RNF126: variants seen among roughly 807,000 people sequenced by gnomAD.
RNF126 encodes the protein ring finger protein 126.
In RNF126, 20 loss-of-function variants were observed where a neutral mutation model predicts 41.9. The observed-to-expected ratio is 0.48, with a 90% CI of 0.34 to 0.69. The LOEUF is 0.69. RNF126 is among the 30% of genes least tolerant of loss of function. The probability of loss-of-function intolerance (pLI) is 0.01; values close to 1 mark genes in which losing one functional copy is unlikely to be tolerated. For synonymous variants in RNF126, 239 were observed against 202.9 expected (o/e 1.18, Z -1.51); for missense variants, 433 against 460.6 (o/e 0.94, Z 0.55).
chr19:660,656 C>T (rs775166175), intron 1 of RNF126, among the ~76,000 whole-genome samples: 23 of 152,102 alleles, frequency 1.5e-4, no homozygotes, highest in Non-Finnish European at 2.8e-4. Context: ...TTTGAGACAG[C>T]GTCTTGCTTG....
chr19:652,838 G>C lies in RNF126; in HGVS notation c.122C>G (p.Pro41Arg). 6.2e-7 allele frequency: 1 copy of C among 1,613,116 alleles called. No individual in the cohort carries two copies. Among genetic ancestry groups the C allele is most frequent in the Non-Finnish European group, 8.5e-7 (1 of 1,179,704 alleles). The part of the protein sequence containing the change: ...RCESGFIEEL[P>R]EETRSTENGS... ...GGGGCTGCATTACCTGGTCTCTTCCGGAAGCTCCTCGATAAAACCAGACTC... is the reference window on the plus strand; with the variant it reads ...GGGGCTGCATTACCTGGTCTCTTCCCGAAGCTCCTCGATAAAACCAGACTC... Residue 41 changes from proline to arginine, a missense_variant, in exon 2 of 9, where the codon CCG becomes CGG. This residue lies in a region of RNF126 where 247 missense variants were observed against 224.7 expected (regional missense o/e 1.10). Transcript: ENST00000292363.
chr19:648,346 G>C (rs1467698200), intron 8 of RNF126, 26 bp downstream of exon 8: 26 of 586,104 alleles, frequency 4.4e-5, no homozygotes, highest in Non-Finnish European at 6.5e-5. Flanking sequence ...GGTCGGGGTG[G>C]GGGGGCGGGT....
rs376174636 is a variant in RNF126, at chr19:647,922, C to T, written c.*206G>A. Reference sequence around the variant, plus strand: ...AGACAGAGGACGGGGAGGCTGGGGACGCCCCAGAGGGGACCATGTGGCCCA... The same window carrying T: ...AGACAGAGGACGGGGAGGCTGGGGATGCCCCAGAGGGGACCATGTGGCCCA... On this transcript the variant is annotated 3_prime_UTR_variant, in exon 9 of 9. Coordinates refer to ENST00000292363, the MANE Select transcript of RNF126 (RefSeq NM_194460.3). 2.6e-5 allele frequency: 17 copies of T among 641,880 alleles called. No individual in the cohort carries two copies. The highest frequency in any genetic ancestry group is 1.1e-4 in the African/African-American group (6 of 54,484). The allele number at this position is 641,880 out of a possible 1,614,324, so 39.8% of individuals were successfully genotyped here.
At position 663,064 on chromosome 19, in the gene RNF126, T is replaced by C; in HGVS notation, c.58A>G (p.Ile20Val). Reference sequence around the variant, plus strand: ...GGCCTCACCGGCAGGCGCGGGACGATCTCCACGGAGCAGCAGTGGCAGAAG... The same window carrying C: ...GGCCTCACCGGCAGGCGCGGGACGACCTCCACGGAGCAGCAGTGGCAGAAG... ...RYFCHCCSVE[I>V]VPRLPDYICP... The change falls in exon 1 of 9, where the codon ATC (isoleucine) becomes GTC (valine). Residue 20 changes from isoleucine (I) to valine (V), a missense_variant. By Grantham distance (29) the Ile-to-Val change is conservative. Around this residue, in one of 5 missense-constraint regions of RNF126, gnomAD observed 247 missense variants for 224.7 expected, o/e 1.10. Transcript: ENST00000292363. The C allele has an allele frequency of 2.9e-6, 4 of 1,378,966 alleles. No individual in the cohort carries two copies. In the South Asian group the frequency reaches 4.6e-5, roughly 16 times the overall value. 85.4% of individuals were successfully genotyped at this position (1,378,966 alleles called of 1,614,324 possible).
At chr19:652,412 C>T in intron 2 of RNF126, 116 bp from the exon 3 acceptor site, 3 of 874,292 alleles carry the variant, frequency 3.4e-6, no homozygotes, top group East Asian at 5.6e-5. Context: ...GCACTGCTTC[C>T]CACCCGCCAC....
In RNF126 at chr19:659,374, C is replaced by T. The variant is rs573062021; in HGVS notation, c.75+3673G>A. On this transcript the variant is annotated intron_variant, in intron 1 of 8. Coordinates refer to ENST00000292363, the MANE Select transcript of RNF126 (RefSeq NM_194460.3). This position sits in a 1 kb window ranked among gnomAD's most constrained non-coding sequence, Gnocchi z 4.9. ...GCCCACGCCGGCTCTTCCCCGCCACCGTGGGCGGCAGGGCCCAGCACCCCC... is the reference window on the plus strand; with the variant it reads ...GCCCACGCCGGCTCTTCCCCGCCACTGTGGGCGGCAGGGCCCAGCACCCCC... Among the ~76,000 whole-genome samples, 163 of 152,234 alleles carry T rather than the reference C, an allele frequency of 1.1e-3. No individual in the cohort carries two copies. Among genetic ancestry groups the T allele is most frequent in the Non-Finnish European group, 2.0e-3 (135 of 67,976 alleles).
At chr19:653,304 C>T (rs1568191873) in intron 1 of RNF126, among the ~76,000 whole-genome samples, 1 of 152,238 alleles carries the variant, frequency 6.6e-6, no homozygotes, top group Non-Finnish European at 1.5e-5. Context: ...ACAGCCCGTT[C>T]CCCTGGCTCG....
At chr19:657,417 T>A (rs565339627) in intron 1 of RNF126, among the ~76,000 whole-genome samples, 1 of 152,282 alleles carries the variant, frequency 6.6e-6, no homozygotes, top group Admixed American at 6.5e-5. Context: ...CCTGGCCACA[T>A]ACACACTCAT....
intron 1 of RNF126, among the ~76,000 whole-genome samples, chr19:654,243 G>A (rs1489227606): frequency 2.0e-5 from 3 of 152,250 alleles, no homozygotes; most frequent in African/African-American, 7.2e-5. Flanking sequence ...CGTGAGGGGA[G>A]AGTGAAGAGG....
rs752638557 is a variant in RNF126 at position 652,788 on chromosome 19, C to A, written c.134+38G>T. On this transcript the variant is annotated intron_variant, in intron 2 of 8. Coordinates refer to ENST00000292363, the MANE Select transcript of RNF126 (RefSeq NM_194460.3). ...CACCCCTACAACAGCTGAGGCCCGG[C>A]TGGCTCTTCCAGCCTCTTCAACAGG... The A allele has an allele frequency of 4.5e-5, 72 of 1,598,972 alleles. No homozygotes were observed. In the African/African-American group the frequency reaches 7.9e-4, roughly 18 times the overall value.
chr19:648,287 G>A lies in RNF126; in HGVS notation c.787-10C>T. 1.3e-6 allele frequency: 2 copies of A among 1,554,302 alleles called. No individual in the cohort carries two copies. Among genetic ancestry groups the A allele is most frequent in the East Asian group, 2.4e-5 (1 of 41,284 alleles). On this transcript the variant is annotated splice_polypyrimidine_tract_variant and intron_variant, in intron 8 of 8. Coordinates refer to ENST00000292363, the MANE Select transcript of RNF126 (RefSeq NM_194460.3). Reference sequence around the variant, plus strand: ...CGGGGCAGCTGTCGTGCTTTGTGGGGACAGAGGCAGGGACGGGAGAAGGGG... The same window carrying A: ...CGGGGCAGCTGTCGTGCTTTGTGGGAACAGAGGCAGGGACGGGAGAAGGGG...
At chr19:660,384 G>C (rs1303250262) in intron 1 of RNF126, among the ~76,000 whole-genome samples, 3 of 152,236 alleles carry the variant, frequency 2.0e-5, no homozygotes, top group Admixed American at 2.0e-4. Flanking sequence ...AGAAGCCCTC[G>C]TGGGCAGGCA....
rs541563733 is a variant in RNF126, at chr19:652,988, G to A, written c.76-104C>T. 19 of 1,130,932 alleles carry A rather than the reference G, an allele frequency of 1.7e-5. No individual in the cohort carries two copies. In the East Asian group the frequency reaches 2.5e-4, roughly 15 times the overall value. The allele number at this position is 1,130,932 out of a possible 1,614,324, so 70.1% of individuals were successfully genotyped here. A position where few individuals can be genotyped will look rare whatever the true frequency, so the allele number is the denominator to read the frequency against. The stretch of plus-strand genomic sequence containing the variant: ...GCTCCGGACCCAGCGGTCTCTGGCT[G>A]GCCAGGCACACGCAGGCCAGGGTGG... On this transcript the variant is annotated intron_variant, in intron 1 of 8. Transcript: ENST00000292363.
At chr19:650,388 G>A (rs2030219956) in intron 4 of RNF126, 92 bp from the exon 5 acceptor site, 1 of 1,086,452 alleles carries the variant, frequency 9.2e-7, no homozygotes, top group Non-Finnish European at 1.3e-6. Context: ...ACCAAGGGCA[G>A]GGCCAGCATC....
At chr19:649,435 G>C in intron 6 of RNF126, 1 of 545,324 alleles carries the variant, frequency 1.8e-6, no homozygotes, top group Non-Finnish European at 3.3e-6. Context: ...CTGTGGGCGA[G>C]TCCTCCCCGC....
Position 648,906 on chromosome 19 carries a change from C to T in RNF126, c.646G>A (p.Val216Ile), listed in dbSNP as rs200639955. The change falls in exon 7 of 9, where the codon GTC becomes ATC. Residue 216 changes from valine (V) to isoleucine (I), a missense_variant. Val to Ile is a conservative substitution (Grantham distance 29, BLOSUM62 3). Transcript: ENST00000292363. The part of the protein sequence containing the change: ...DKEKIQALPT[V>I]PVTEEHVGSG... ...CCTACGTGCTCCTCAGTGACGGGGA[C>T]GGTGGGGAGGGCCTGGATTTTCTCT... 72 of 1,417,326 alleles carry T rather than the reference C, an allele frequency of 5.1e-5. No individual in the cohort carries two copies. The Admixed American group carries it at 1.0e-3, about 20-fold the overall frequency. The allele number at this position is 1,417,326 out of a possible 1,614,324, so 87.8% of individuals were successfully genotyped here.
At chr19:651,890 C>G (rs778990289) in intron 3 of RNF126, 35 bp from the exon 4 acceptor site, 1 of 1,574,116 alleles carries the variant, frequency 6.4e-7, no homozygotes, top group Non-Finnish European at 8.6e-7. Context: ...CTCGGGGGCT[C>G]AGGCCCGTGC....
chr19:653,863 G>A (rs1335772928), intron 1 of RNF126, among the ~76,000 whole-genome samples: 1 of 152,248 alleles, frequency 6.6e-6, no homozygotes, highest in African/African-American at 2.4e-5. Context: ...GCTCACATGG[G>A]GGTCCCAAGA....
At chr19:649,773 G>A (rs564755065) in intron 5 of RNF126, 25 bp from the exon 6 acceptor site, 21 of 1,545,100 alleles carry the variant, frequency 1.4e-5, no homozygotes, top group Middle Eastern at 1.7e-4. Context: ...TGGGGTTCAA[G>A]TGGCTGACGG....
Sources: allele counts gnomAD v4.1 joint callset (sites outside exome capture counted in the v4.1 genomes callset), GRCh38; gene constraint gnomAD v4.1.1; regional missense constraint gnomAD v4.1.1; non-coding constraint Gnocchi (gnomAD v3.1); transcripts MANE v1.5; gene names NCBI Gene and HGNC (gene_info 2026-07-23, HGNC 2026-07-21).